Variants in MAJIN observed in about 807,000 individuals in gnomAD.
MAJIN encodes membrane-anchored junction protein.
Under a neutral mutation model 30.2 loss-of-function variants are expected in MAJIN, and 27 were observed. The observed-to-expected ratio is 0.89, with a 90% confidence interval of 0.66 to 1.23. The LOEUF (loss-of-function observed/expected upper bound fraction) is 1.23, where lower values mean the gene tolerates loss of function less well. Ranked by LOEUF, MAJIN falls within the 50% of genes most tolerant of loss-of-function variation. MAJIN has a pLI of 0.00. For synonymous variants in MAJIN, 78 were observed against 91.6 expected, an observed-to-expected ratio of 0.85 and a Z score of 0.85; for missense variants, 253 against 260.3, an observed-to-expected ratio of 0.97 and a Z score of 0.19.
At position 64,947,400 on chromosome 11, in the gene MAJIN, G is replaced by C; in HGVS notation, c.447C>G (p.Ser149Arg). 1 of 1,613,664 alleles carries C rather than the reference G, an allele frequency of 6.2e-7. No individual in the cohort carries two copies. Among genetic ancestry groups the C allele is most frequent in the African/African-American group, 1.3e-5 (1 of 75,056 alleles). ...TGTCCAGCCCTGGCCTGCTGGGGGA[G>C]CTGGGCTCGTCCATGTGTTTTCGTT... Reference protein sequence around the residue: ...MRKRKHMDEPSSPSRPGLDRI... With the variant: ...MRKRKHMDEPRSPSRPGLDRI... Residue 149 changes from serine to arginine, a missense_variant, in exon 8 of 11, where the codon AGC (serine) becomes AGG (arginine). Physicochemically the swap from Ser to Arg is moderately radical, Grantham distance 110. Coordinates refer to ENST00000301896, the MANE Select transcript of MAJIN (RefSeq NM_001037225.3).
intron 3 of MAJIN, among the ~76,000 whole-genome samples, chr11:64,959,024 G>T (rs1025985003): frequency 6.6e-6 from 1 of 151,510 alleles, no homozygotes; most frequent in Non-Finnish European, 1.5e-5. Flanking sequence ...GGGAGGCAGA[G>T]GTGAGAGGAC....
At chr11:64,969,990 CAA>C (rs1028617028) in intron 1 of MAJIN, among the ~76,000 whole-genome samples, 3 of 152,148 alleles carry the variant, frequency 2.0e-5, no homozygotes, top group East Asian at 1.9e-4. Context: ...ATGAGATAGC[CAA>C]AGAGAGATTC....
intron 1 of MAJIN, among the ~76,000 whole-genome samples, chr11:64,970,214 T>C (rs1590711801): frequency 7.3e-6 from 1 of 136,648 alleles, no homozygotes; most frequent in Non-Finnish European, 1.7e-5. Context: ...AAATACAAAA[T>C]TAGCCAGGTG....
At chr11:64,971,047 C>A (rs1945893334) in intron 1 of MAJIN, among the ~76,000 whole-genome samples, 1 of 152,142 alleles carries the variant, frequency 6.6e-6, no homozygotes, top group Non-Finnish European at 1.5e-5. Context: ...GTAATCCCAG[C>A]ACTTTGGGAT....
At chr11:64,948,621 ATATATATATATATATATATTTT>A (rs1213132189) in intron 6 of MAJIN, among the ~76,000 whole-genome samples, 4 of 37,470 alleles carry the variant, frequency 1.1e-4, no homozygotes, top group East Asian at 1.4e-3. Context: ...ATATATATAT[ATATATATATATATATATATTTT>A]TTTTTTTTTT....
chr11:64,959,190 AG>A (rs1319135285), intron 3 of MAJIN, 114 bp downstream of exon 3: 2 of 704,040 alleles, frequency 2.8e-6, no homozygotes, highest in Non-Finnish European at 4.9e-6. Flanking sequence ...CAGTCCTGCA[AG>A]ATGCTACTTT....
rs117346569 is a variant in MAJIN at position 64,968,167 on chromosome 11, G to A, written c.-65+3710C>T. Among the ~76,000 whole-genome samples the A allele has an allele frequency of 2.1e-4, 32 of 152,334 alleles. No homozygotes were observed. In the East Asian group the frequency reaches 5.2e-3, roughly 25 times the overall value. On this transcript the variant is annotated intron_variant, in intron 1 of 10. Transcript: ENST00000301896. ...TGGAGTGTTAGGCAGGGACCAGATC[G>A]TGTAAGGCTTGTAGGCCATTGTAAA...
rs529110079 is a variant in MAJIN, at chr11:64,943,202, A to G, written c.474-2556T>C. ...GTGCAGTTCGAACAGATATAGCAAAACAACAACAACAACAAAATGCGACGT... is the reference window on the plus strand; with the variant it reads ...GTGCAGTTCGAACAGATATAGCAAAGCAACAACAACAACAAAATGCGACGT... On this transcript the variant is annotated intron_variant, in intron 8 of 10. Transcript: ENST00000301896. 3.3e-5 allele frequency among the ~76,000 whole-genome samples: 5 copies of G among 152,224 alleles called. No homozygotes were observed. In the South Asian group the frequency reaches 8.3e-4, roughly 25 times the overall value.
chr11:64,940,476 G>T, intron 9 of MAJIN, 98 bp downstream of exon 9: 1 of 1,251,396 alleles, frequency 8.0e-7, no homozygotes, highest in Non-Finnish European at 1.2e-6. Flanking sequence ...CCCACTGAGG[G>T]CACCCAGACT....
intron 1 of MAJIN, 98 bp from the exon 2 acceptor site, chr11:64,960,233 C>T (rs1213164869): frequency 6.6e-6 from 1 of 152,106 alleles, no homozygotes; most frequent in African/African-American, 2.4e-5. Flanking sequence ...TACATCAGTA[C>T]AAGTATAAAA....
At position 64,947,458 on chromosome 11, in the gene MAJIN, A is replaced by C. The variant is rs765009614; in HGVS notation, c.389T>G (p.Val130Gly). Residue 130 changes from valine to glycine, a missense_variant, in exon 8 of 11, where the codon GTT (valine) becomes GGT (glycine). Coordinates refer to ENST00000301896, the MANE Select transcript of MAJIN (RefSeq NM_001037225.3). The stretch of plus-strand genomic sequence containing the variant: ...CACAGCTCCTACTGCTTTCTTCTCA[A>C]CTGGGACCTTCAGGAGGAAGCAGAT... ...ISDSPLGLVPVEKKAVGAVMR... is the reference protein window; with the variant it reads ...ISDSPLGLVPGEKKAVGAVMR... The C allele has an allele frequency of 3.1e-6, 5 of 1,613,802 alleles. No individual in the cohort carries two copies. The highest frequency in any genetic ancestry group is 4.2e-6 in the Non-Finnish European group (5 of 1,179,920).
rs1945427046 is a variant in MAJIN at position 64,944,848 on chromosome 11, T to C, written c.473+2526A>G. 2.6e-5 allele frequency among the ~76,000 whole-genome samples: 4 copies of C among 152,136 alleles called. No homozygotes were observed. In the South Asian group the frequency reaches 8.3e-4, roughly 32 times the overall value. On this transcript the variant is annotated intron_variant, in intron 8 of 10. Coordinates refer to ENST00000301896, the MANE Select transcript of MAJIN (RefSeq NM_001037225.3). ...AGGCATGGATACCAGCTAACAGCTA[T>C]TTAAAGAGGGGAGGAAAAGAAAAAG... is the stretch of plus-strand genomic sequence containing the variant.
At chr11:64,971,832 C>T (rs1945912016) in intron 1 of MAJIN, 45 bp downstream of exon 1, 1 of 152,382 alleles carries the variant, frequency 6.6e-6, no homozygotes, top group South Asian at 2.1e-4. Flanking sequence ...TAAACAGAAA[C>T]GCAAAGACAA....
intron 6 of MAJIN, among the ~76,000 whole-genome samples, chr11:64,948,855 C>T (rs1285238036): frequency 6.8e-6 from 1 of 146,484 alleles, no homozygotes; most frequent in African/African-American, 2.5e-5. Context: ...GGTTTCACCA[C>T]GTTGGTCAGG....
At chr11:64,954,938 G>GTTT in intron 3 of MAJIN, 136 bp from the exon 4 acceptor site, 1 of 756,688 alleles carries the variant, frequency 1.3e-6, no homozygotes, top group Non-Finnish European at 2.1e-6. Flanking sequence ...AGCTGACCCA[G>GTTT]TGCTCATGGG....
Position 64,940,835 on chromosome 11 carries a change from C to CTTTTTTTTTTTTTTT in MAJIN, c.474-204_474-190dup. Among the ~76,000 whole-genome samples the CTTTTTTTTTTTTTTT allele has an allele frequency of 3.9e-3, 345 of 88,548 alleles. 2 individuals are homozygous for CTTTTTTTTTTTTTTT. Among genetic ancestry groups the CTTTTTTTTTTTTTTT allele is most frequent in the East Asian group, 7.6e-3 (19 of 2,506 alleles). 58.1% of individuals were successfully genotyped at this position (88,548 alleles called of 152,430 possible). A position where few individuals can be genotyped will look rare whatever the true frequency, so the allele number is the denominator to read the frequency against. On this transcript the variant is annotated intron_variant, in intron 8 of 10. Coordinates refer to ENST00000301896, the MANE Select transcript of MAJIN (RefSeq NM_001037225.3). ...CCTTTTTTCTTTTCTTTTTTTCTTTCTTTTTTTTTTTTTTTTTTTTTGAGA... is the reference window on the plus strand; with the variant it reads ...CCTTTTTTCTTTTCTTTTTTTCTTTCTTTTTTTTTTTTTTTTTTTTTTTTTTTTTTTTTTTTGAGA...
At chr11:64,941,177 C>A (rs752669402) in intron 8 of MAJIN, among the ~76,000 whole-genome samples, 11 of 152,110 alleles carry the variant, frequency 7.2e-5, no homozygotes, top group Admixed American at 2.0e-4. Context: ...AAACTACTGT[C>A]CCTCTAAAAC....
intron 8 of MAJIN, 134 bp from the exon 9 acceptor site, chr11:64,940,780 A>G: frequency 2.1e-6 from 1 of 472,818 alleles, no homozygotes; most frequent in Non-Finnish European, 3.7e-6. Context: ...CAGGTTCTAT[A>G]TTTCTTTCCA....
intron 9 of MAJIN, among the ~76,000 whole-genome samples, chr11:64,940,228 A>G (rs565283790): frequency 6.6e-6 from 1 of 152,362 alleles, no homozygotes; most frequent in African/African-American, 2.4e-5. Context: ...GGAAGAGATC[A>G]TTCTCCAACA....
Sources: gnomAD v4.1 joint callset for allele counts (sites outside exome capture counted in the v4.1 genomes callset) on GRCh38, gnomAD v4.1.1 for gene constraint, MANE v1.5 for transcripts, NCBI Gene and HGNC (gene_info 2026-07-23, HGNC 2026-07-21) for gene names.